Variants in STXBP5 observed in about 807,000 individuals in gnomAD.
STXBP5 encodes the protein syntaxin binding protein 5.
A neutral mutation model predicts 152.4 loss-of-function variants in STXBP5; 50 were observed. The observed-to-expected ratio is 0.33, with a 90% CI of 0.26 to 0.42. STXBP5 has a LOEUF of 0.42. STXBP5 is among the 10% of genes least tolerant of loss of function. STXBP5 has a pLI of 1.00. For synonymous variants in STXBP5, 492 were observed against 494.7 expected, an observed-to-expected ratio of 0.99 and a Z score of 0.07; for missense variants, 1,167 against 1,388.6, an observed-to-expected ratio of 0.84 and a Z score of 2.54.
chr6:147,319,770 G>C (rs889578793), intron 16 of STXBP5, among the ~76,000 whole-genome samples: 2 of 144,728 alleles, frequency 1.4e-5, no homozygotes, highest in Admixed American at 1.4e-4. Context: ...ACCTGTAATT[G>C]CTTACTAGAA....
chr6:147,362,721 AAAAC>A (rs1210962782), intron 23 of STXBP5, among the ~76,000 whole-genome samples: 1 of 152,356 alleles, frequency 6.6e-6, no homozygotes, highest in East Asian at 1.9e-4. Flanking sequence ...AAAAAAGTAA[AAAAC>A]AGGTGAAATT....
chr6:147,347,883 A>G (rs1056658984), intron 21 of STXBP5, among the ~76,000 whole-genome samples: 1 of 152,208 alleles, frequency 6.6e-6, no homozygotes, highest in Non-Finnish European at 1.5e-5. Flanking sequence ...ATTAGTGGCT[A>G]TCTCTATACA....
At chr6:147,333,099 GTACATGT>G (rs1376103266) in intron 18 of STXBP5, among the ~76,000 whole-genome samples, 1 of 152,124 alleles carries the variant, frequency 6.6e-6, no homozygotes, top group Non-Finnish European at 1.5e-5. Context: ...TCAATAAAGA[GTACATGT>G]ATATAAACAA....
chr6:147,339,101 T>C (rs996154201), intron 19 of STXBP5, 78 bp from the exon 20 acceptor site: 260 of 1,237,152 alleles, frequency 2.1e-4, no homozygotes, highest in Non-Finnish European at 1.7e-4. Flanking sequence ...GATTTTTTAT[T>C]TGTACATTTT....
intron 2 of STXBP5, among the ~76,000 whole-genome samples, chr6:147,221,252 T>C (rs1283834055): frequency 6.6e-6 from 1 of 152,096 alleles, no homozygotes; most frequent in Non-Finnish European, 1.5e-5. Context: ...AGCATATGTG[T>C]TTATATATGT....
intron 14 of STXBP5, 69 bp from the exon 15 acceptor site, chr6:147,315,446 T>C: frequency 9.6e-7 from 1 of 1,044,990 alleles, no homozygotes; most frequent in Admixed American, 2.4e-5. Flanking sequence ...ATAGTATGAG[T>C]GATTAAATGT....
chr6:147,323,542 C>T (rs1288495875), intron 16 of STXBP5, among the ~76,000 whole-genome samples: 1 of 152,030 alleles, frequency 6.6e-6, no homozygotes, highest in Non-Finnish European at 1.5e-5. Context: ...CAGGTGCTCA[C>T]CACCACACCC....
chr6:147,343,038 T>C (rs886190596), intron 21 of STXBP5, among the ~76,000 whole-genome samples: 2 of 152,092 alleles, frequency 1.3e-5, no homozygotes, highest in African/African-American at 4.8e-5. Context: ...GAGGGGAAAA[T>C]AATACCAAGG....
intron 18 of STXBP5, among the ~76,000 whole-genome samples, chr6:147,331,462 A>G (rs1783564860): frequency 6.6e-6 from 1 of 152,144 alleles, no homozygotes; most frequent in Non-Finnish European, 1.5e-5. Context: ...TAAGTTTGTG[A>G]TACTAGAAAG....
chr6:147,323,165 T>C (rs1030801622), intron 16 of STXBP5, among the ~76,000 whole-genome samples: 32 of 152,080 alleles, frequency 2.1e-4, no homozygotes, highest in African/African-American at 7.7e-4. Flanking sequence ...AGTACCTCTT[T>C]TGTGCCAGTG....
rs576036175 is a variant in STXBP5 at position 147,320,872 on chromosome 6, T to C, written c.1803-4087T>C. ...TTTAGAGAAAACCCAAGAACAAGAA[T>C]GCATGGGAAGATTGTAAACATAGGG... is the stretch of plus-strand genomic sequence containing the variant. On this transcript the variant is annotated intron_variant, in intron 16 of 27. Transcript: ENST00000321680. Among the ~76,000 whole-genome samples, 12 of 152,276 alleles carry C rather than the reference T, an allele frequency of 7.9e-5. No individual in the cohort carries two copies. In the East Asian group the frequency reaches 1.2e-3, roughly 15 times the overall value.
chr6:147,295,456 C>A (rs2128356229), intron 9 of STXBP5, among the ~76,000 whole-genome samples: 1 of 152,318 alleles, frequency 6.6e-6, no homozygotes, highest in Non-Finnish European at 1.5e-5. Context: ...CCCCCCCACA[C>A]ACGCACACAC....
chr6:147,255,822 G>A (rs931513722), intron 4 of STXBP5, among the ~76,000 whole-genome samples: 1 of 152,116 alleles, frequency 6.6e-6, no homozygotes, highest in Admixed American at 6.6e-5. Context: ...CCATGAAAAG[G>A]CCTTCTGTAC....
intron 4 of STXBP5, among the ~76,000 whole-genome samples, chr6:147,244,158 T>C (rs1778684931): frequency 6.6e-6 from 1 of 152,218 alleles, no homozygotes; most frequent in African/African-American, 2.4e-5. Context: ...GATTATTTAA[T>C]GTGCATAGGA....
In STXBP5 at chr6:147,270,528, A is replaced by AT. The variant is rs549823582; in HGVS notation, c.714+3371dup. On this transcript the variant is annotated intron_variant, in intron 7 of 27. Transcript: ENST00000321680. ...AACCTAGAACTTTATACCTGGTGAA[A>AT]TTTTTTTTTTCAAAAATAAAGGCAA... 8.4e-4 allele frequency among the ~76,000 whole-genome samples: 126 copies of AT among 150,538 alleles called. 1 individual carries two copies. The highest frequency in any genetic ancestry group is 3.4e-3 in the Middle Eastern group (1 of 292).
intron 8 of STXBP5, among the ~76,000 whole-genome samples, chr6:147,281,850 T>C (rs924942550): frequency 6.6e-5 from 10 of 152,214 alleles, no homozygotes; most frequent in African/African-American, 2.4e-4. Flanking sequence ...AGAAGAGTTG[T>C]AGTTAAGCAC....
intron 9 of STXBP5, among the ~76,000 whole-genome samples, chr6:147,296,992 T>G (rs531443048): frequency 1.3e-5 from 2 of 152,220 alleles, no homozygotes; most frequent in South Asian, 4.1e-4. Flanking sequence ...TATACAAATA[T>G]TCACATAATA....
chr6:147,204,761 G>C lies in STXBP5; in HGVS notation c.150+79G>C, dbSNP rs1331173753. On this transcript the variant is annotated intron_variant, in intron 1 of 27. Transcript: ENST00000321680. The surrounding 1 kb of genome is among the most constrained non-coding windows in gnomAD (Gnocchi z 4.3). Reference sequence around the variant, plus strand: ...TAAGGGGGCTACTCGGGCTTTACATGGGAATGCAAGGGAAGAGAACGCCAA... The same window carrying C: ...TAAGGGGGCTACTCGGGCTTTACATCGGAATGCAAGGGAAGAGAACGCCAA... 2 of 1,351,052 alleles carry C rather than the reference G, an allele frequency of 1.5e-6. No homozygotes were observed. Among genetic ancestry groups the C allele is most frequent in the South Asian group, 1.5e-5 (1 of 64,664 alleles). The allele number at this position is 1,351,052 out of a possible 1,614,324, so 83.7% of individuals were successfully genotyped here.
intron 2 of STXBP5, among the ~76,000 whole-genome samples, chr6:147,218,483 G>GT (rs1031455582): frequency 1.1e-3 from 171 of 150,466 alleles, no homozygotes; most frequent in African/African-American, 3.7e-3. Flanking sequence ...ATGTTTTTTG[G>GT]TTTTTTTTTC....
Sources: gnomAD v4.1 joint callset for allele counts (sites outside exome capture counted in the v4.1 genomes callset) on GRCh38, gnomAD v4.1.1 for gene constraint, Gnocchi (gnomAD v3.1) non-coding constraint, MANE v1.5 for transcripts, NCBI Gene and HGNC (gene_info 2026-07-23, HGNC 2026-07-21) for gene names.